PREX1: variants seen among roughly 807,000 people sequenced by gnomAD.
PREX1 encodes the protein phosphatidylinositol 3,4,5-trisphosphate-dependent Rac exchanger 1 protein.
A neutral mutation model predicts 198.3 loss-of-function variants in PREX1; 41 were observed. That is an observed-to-expected ratio of 0.21 (90% CI 0.16 to 0.27). The LOEUF is 0.27. Ranked by LOEUF, PREX1 falls within the 10% of genes least tolerant of loss-of-function variation. PREX1 has a pLI of 1.00. For missense variants in PREX1, 1,620 were observed against 2,200.7 expected (o/e 0.74, Z 5.28); for synonymous variants, 843 against 887.2 (o/e 0.95, Z 0.89).
In PREX1 at chr20:48,625,711, A is replaced by T; in HGVS notation, c.*174T>A. ...AGGGCCAATCAGCCAGCTCGTCATCACAGCGAGGGTGGCCAGGCTTGTCCC... is the reference window on the plus strand; with the variant it reads ...AGGGCCAATCAGCCAGCTCGTCATCTCAGCGAGGGTGGCCAGGCTTGTCCC... On this transcript the variant is annotated 3_prime_UTR_variant, in exon 40 of 40. Coordinates refer to ENST00000371941, the MANE Select transcript of PREX1 (RefSeq NM_020820.4). The T allele has an allele frequency of 1.3e-6, 1 of 759,896 alleles. No individual in the cohort carries two copies. Among genetic ancestry groups the T allele is most frequent in the Non-Finnish European group, 2.0e-6 (1 of 495,678 alleles). 47.1% of individuals were successfully genotyped at this position (759,896 alleles called of 1,614,324 possible).
intron 1 of PREX1, among the ~76,000 whole-genome samples, chr20:48,796,431 C>T (rs1352692703): frequency 2.0e-5 from 3 of 151,950 alleles, no homozygotes; most frequent in African/African-American, 2.4e-5. Context: ...AATGCAGAAA[C>T]GTGTACTGTG....
rs558858881 is a variant in PREX1 at position 48,678,419 on chromosome 20, G to A, written c.1589+941C>T. Among the ~76,000 whole-genome samples, 218 of 151,948 alleles carry A rather than the reference G, an allele frequency of 1.4e-3. 1 individual carries two copies. Among genetic ancestry groups the A allele is most frequent in the South Asian group, 7.1e-3 (34 of 4,806 alleles). On this transcript the variant is annotated intron_variant, in intron 13 of 39. Coordinates refer to ENST00000371941, the MANE Select transcript of PREX1 (RefSeq NM_020820.4). The stretch of plus-strand genomic sequence containing the variant: ...CTGGAGGTTGAGACTGCAGTGAGCT[G>A]TGATTGCACCACTGCAATCCAGCCT...
intron 1 of PREX1, among the ~76,000 whole-genome samples, chr20:48,788,510 C>G (rs369068855): frequency 1.3e-5 from 2 of 152,154 alleles, no homozygotes; most frequent in African/African-American, 4.8e-5. Context: ...GCTCATCCCC[C>G]ACCTGAGGCA....
the PREX1 span, among the ~76,000 whole-genome samples, chr20:48,854,248 C>G: frequency 6.6e-6 from 1 of 152,188 alleles, no homozygotes; most frequent in African/African-American, 2.4e-5. Flanking sequence ...ATTTCACCTC[C>G]AGGGGAGGAG....
Position 48,693,221 on chromosome 20 carries a change from T to TCCATCCAC in PREX1, c.918-432_918-431insGTGGATGG, listed in dbSNP as rs1351017841. On this transcript the variant is annotated intron_variant, in intron 7 of 39. Transcript: ENST00000371941. ...ATCCATCCATCCATCCATCCATCCA[T>TCCATCCAC]CCATCATCCACCTTCCCAGGGTTCA... is the stretch of plus-strand genomic sequence containing the variant. Among the ~76,000 whole-genome samples the TCCATCCAC allele has an allele frequency of 2.6e-5, 4 of 152,020 alleles. No homozygotes were observed. The South Asian group carries it at 6.3e-4, about 24-fold the overall frequency.
At chr20:48,667,466 A>G (rs1339665570) in intron 14 of PREX1, among the ~76,000 whole-genome samples, 2 of 152,202 alleles carry the variant, frequency 1.3e-5, no homozygotes, top group Admixed American at 6.5e-5. Flanking sequence ...GGATAAAGTC[A>G]TGTGAGGAAG....
intron 1 of PREX1, among the ~76,000 whole-genome samples, chr20:48,798,936 G>A (rs1042491787): frequency 1.4e-4 from 21 of 152,144 alleles, no homozygotes; most frequent in African/African-American, 5.1e-4. Context: ...TCGCTCTGTC[G>A]CCTAGGCTCC....
chr20:48,686,276 G>T (rs974933409), intron 10 of PREX1, among the ~76,000 whole-genome samples: 1 of 152,178 alleles, frequency 6.6e-6, no homozygotes, highest in Non-Finnish European at 1.5e-5. Context: ...AGATTCAGTA[G>T]CGGGACCCTG....
intron 33 of PREX1, among the ~76,000 whole-genome samples, chr20:48,634,093 TGGA>T (rs2089339271): frequency 4.1e-5 from 6 of 146,742 alleles, no homozygotes; most frequent in South Asian, 2.2e-4. Context: ...GACGGATGGA[TGGA>T]TGGATGCATG....
At chr20:48,667,378 G>T (rs1432419134) in intron 14 of PREX1, among the ~76,000 whole-genome samples, 1 of 152,180 alleles carries the variant, frequency 6.6e-6, no homozygotes, top group African/African-American at 2.4e-5. Context: ...AGACGACTGG[G>T]GAAGCCTACC....
chr20:48,646,564 G>A (rs975597792), intron 25 of PREX1, among the ~76,000 whole-genome samples: 2 of 151,720 alleles, frequency 1.3e-5, no homozygotes, highest in South Asian at 2.1e-4. Flanking sequence ...GGTGGCGGGT[G>A]CCTGTAATCC....
chr20:48,759,823 G>T (rs543906818), intron 1 of PREX1, among the ~76,000 whole-genome samples: 1 of 152,156 alleles, frequency 6.6e-6, no homozygotes, highest in African/African-American at 2.4e-5. Context: ...TATTGGCCAG[G>T]CTCACACCTG....
intron 1 of PREX1, among the ~76,000 whole-genome samples, chr20:48,815,915 C>T (rs2090456803): frequency 6.6e-6 from 1 of 151,050 alleles, no homozygotes; most frequent in South Asian, 2.1e-4. Context: ...GAGGCTGAGG[C>T]AGGAGAATCG....
At chr20:48,673,301 C>T (rs964828225) in intron 14 of PREX1, among the ~76,000 whole-genome samples, 6 of 152,236 alleles carry the variant, frequency 3.9e-5, no homozygotes, top group Admixed American at 3.9e-4. Flanking sequence ...CGGCCTAATG[C>T]ACCCAAATCT....
intron 1 of PREX1, among the ~76,000 whole-genome samples, chr20:48,776,762 T>A (rs1277738765): frequency 6.6e-6 from 1 of 152,108 alleles, no homozygotes; most frequent in African/African-American, 2.4e-5. Context: ...GATTCAGCAT[T>A]AACACAAAAA....
chr20:48,652,474 G>T, intron 21 of PREX1, 112 bp downstream of exon 21: 1 of 1,388,376 alleles, frequency 7.2e-7, no homozygotes, highest in Non-Finnish European at 9.7e-7. Context: ...TGCTGGCATG[G>T]AGGTGGACTG....
intron 1 of PREX1, among the ~76,000 whole-genome samples, chr20:48,780,636 T>C (rs1301663174): frequency 6.6e-6 from 1 of 152,100 alleles, no homozygotes; most frequent in Non-Finnish European, 1.5e-5. Flanking sequence ...AATAATGGAA[T>C]GAATCAGGGA....
Position 48,708,109 on chromosome 20 carries a change from T to C in PREX1, c.783+151A>G, listed in dbSNP as rs1256722839. Reference sequence around the variant, plus strand: ...AATGCAAATTTGTATTTGGATTTAATTGAAAAATAATTAAGCAATCTTTTG... The same window carrying C: ...AATGCAAATTTGTATTTGGATTTAACTGAAAAATAATTAAGCAATCTTTTG... On this transcript the variant is annotated intron_variant, in intron 6 of 39. Coordinates refer to ENST00000371941, the MANE Select transcript of PREX1 (RefSeq NM_020820.4). 6 of 876,716 alleles carry C rather than the reference T, an allele frequency of 6.8e-6. No homozygotes were observed. In the East Asian group the frequency reaches 1.6e-4, roughly 24 times the overall value. 54.3% of individuals were successfully genotyped at this position (876,716 alleles called of 1,614,324 possible). A position where few individuals can be genotyped will look rare whatever the true frequency, so the allele number is the denominator to read the frequency against.
chr20:48,794,722 C>G (rs905008122), intron 1 of PREX1, among the ~76,000 whole-genome samples: 1 of 152,184 alleles, frequency 6.6e-6, no homozygotes, highest in Non-Finnish European at 1.5e-5. Context: ...GGACAGGGTC[C>G]CTAAGAGGGG....
Sources: gnomAD v4.1 joint callset for allele counts (sites outside exome capture counted in the v4.1 genomes callset) on GRCh38, gnomAD v4.1.1 for gene constraint, MANE v1.5 for transcripts, NCBI Gene and HGNC (gene_info 2026-07-23, HGNC 2026-07-21) for gene names.